Variants in FAT3 observed in about 807,000 individuals in gnomAD.
FAT3 encodes the protein FAT atypical cadherin 3, also known as protocadherin Fat 3.
FAT3 carries 95 observed loss-of-function variants against 310.2 expected under a neutral mutation model. The observed-to-expected ratio is 0.31, with a 90% CI of 0.26 to 0.36. FAT3 has a LOEUF of 0.36. Among genes scored for constraint, FAT3 ranks in the 10% least tolerant of loss-of-function variants. The pLI is 1.00. For missense variants in FAT3, 5,408 were observed against 5,715.6 expected (o/e 0.95, Z 1.74); for synonymous variants, 2,314 against 2,192.9 (o/e 1.06, Z -1.54).
At chr11:92,814,218 T>C (rs1346657492) in intron 13 of FAT3, among the ~76,000 whole-genome samples, 2 of 152,200 alleles carry the variant, frequency 1.3e-5, no homozygotes, top group Non-Finnish European at 1.5e-5. Context: ...CAGCCAGCGA[T>C]TGACTACAAA....
chr11:92,774,212 G>A, intron 7 of FAT3, 32 bp downstream of exon 7: 2 of 1,571,766 alleles, frequency 1.3e-6, no homozygotes, highest in Non-Finnish European at 1.7e-6. Flanking sequence ...TAGCAGGAAT[G>A]CTGAAAGAGC....
At chr11:92,737,316 T>G (rs879550872) in intron 4 of FAT3, among the ~76,000 whole-genome samples, 1 of 152,168 alleles carries the variant, frequency 6.6e-6, no homozygotes, top group East Asian at 1.9e-4. Flanking sequence ...TTCCTTATGA[T>G]CAGGGACTCT....
At chr11:92,654,456 A>G (rs1942502593) in intron 3 of FAT3, among the ~76,000 whole-genome samples, 1 of 152,158 alleles carries the variant, frequency 6.6e-6, no homozygotes, top group Non-Finnish European at 1.5e-5. Context: ...TATTACCAAA[A>G]CCTGCTGCTT....
chr11:92,326,222 T>A (rs11019906), intron 1 of FAT3, among the ~76,000 whole-genome samples: 11,249 of 152,270 alleles, frequency 0.074, 584 homozygotes, highest in African/African-American at 0.14. Context: ...CTCATAGAGT[T>A]GTCGTAAGTG....
At chr11:92,343,360 T>C (rs146319680) in intron 1 of FAT3, among the ~76,000 whole-genome samples, 2,025 of 152,274 alleles carry the variant, frequency 0.013, 30 homozygotes, top group Non-Finnish European at 0.019. Context: ...AAAGGTGATA[T>C]CATATCCCTG....
At chr11:92,463,096 G>A (rs376427532) in intron 2 of FAT3, among the ~76,000 whole-genome samples, 18 of 152,328 alleles carry the variant, frequency 1.2e-4, no homozygotes, top group African/African-American at 4.3e-4. Context: ...GATGTGCTTT[G>A]GAAGCATGCT....
intron 1 of FAT3, among the ~76,000 whole-genome samples, chr11:92,277,880 A>G (rs1946318858): frequency 6.6e-6 from 1 of 151,290 alleles, no homozygotes. Context: ...TAAAAAAAAA[A>G]GGTAAACTTG....
chr11:92,346,986 A>G (rs994714011), intron 1 of FAT3, among the ~76,000 whole-genome samples: 1 of 152,182 alleles, frequency 6.6e-6, no homozygotes, highest in African/African-American at 2.4e-5. Flanking sequence ...GCTAACAATT[A>G]TATACAATGT....
chr11:92,801,330 C>A lies in FAT3; in HGVS notation c.8317C>A (p.Arg2773Ser). ...GTIKLDKRLD[R>S]ETSPAFHFKV... Reference sequence around the variant, plus strand: ...TATTAAGCTTGACAAACGCCTTGACCGTGAAACCAGCCCAGCTTTCCACTT... The same window carrying A: ...TATTAAGCTTGACAAACGCCTTGACAGTGAAACCAGCCCAGCTTTCCACTT... The change falls in exon 10 of 28, where the codon CGT becomes AGT. Residue 2773 changes from arginine (R) to serine (S), a missense_variant. Physicochemically the swap from Arg to Ser is moderately radical, Grantham distance 110. Coordinates refer to ENST00000525166, the MANE Select transcript of FAT3 (RefSeq NM_001367949.2). 2 of 1,613,938 alleles carry A rather than the reference C, an allele frequency of 1.2e-6. No homozygotes were observed. Among genetic ancestry groups the A allele is most frequent in the Non-Finnish European group, 1.7e-6 (2 of 1,179,868 alleles).
Position 92,799,572 on chromosome 11 carries a change from G to A in FAT3, c.6559G>A (p.Asp2187Asn). ...TGTCAACAAAGCAATGCCTGTGTTT[G>A]ATAAGCCCTTTTATACAGCATCTGT... is the stretch of plus-strand genomic sequence containing the variant. ...TIVNKAMPVFDKPFYTASVNE... is the reference protein window; with the variant it reads ...TIVNKAMPVFNKPFYTASVNE... Residue 2187 changes from aspartate to asparagine, a missense_variant, in exon 10 of 28, where the codon GAT (aspartate) becomes AAT (asparagine). Physicochemically the swap from Asp to Asn is conservative, Grantham distance 23 (BLOSUM62 1). Transcript: ENST00000525166. The A allele has an allele frequency of 6.2e-7, 1 of 1,613,716 alleles. No homozygotes were observed. The highest frequency in any genetic ancestry group is 1.1e-5 in the South Asian group (1 of 91,028).
intron 1 of FAT3, among the ~76,000 whole-genome samples, chr11:92,267,599 G>T (rs994129674): frequency 2.0e-5 from 3 of 151,698 alleles, no homozygotes; most frequent in African/African-American, 7.3e-5. Flanking sequence ...GGTGGGAAAT[G>T]ATCCCAAAGA....
At chr11:92,634,577 C>T (rs566293532) in intron 3 of FAT3, among the ~76,000 whole-genome samples, 6 of 152,248 alleles carry the variant, frequency 3.9e-5, no homozygotes, top group South Asian at 2.1e-4. Context: ...AAGAGTAGAG[C>T]GCAGGGCTTC....
At position 92,552,955 on chromosome 11, in the gene FAT3, AAAAAAT is replaced by A. The variant is rs950608468; in HGVS notation, c.3607+28012_3607+28017del. Among the ~76,000 whole-genome samples, 6 of 138,630 alleles carry A rather than the reference AAAAAAT, an allele frequency of 4.3e-5. No individual in the cohort carries two copies. In the East Asian group the frequency reaches 1.4e-3, roughly 32 times the overall value. The allele number at this position is 138,630 out of a possible 152,430, so 90.9% of individuals were successfully genotyped here. On this transcript the variant is annotated intron_variant, in intron 3 of 27. Coordinates refer to ENST00000525166, the MANE Select transcript of FAT3 (RefSeq NM_001367949.2). ...ACAGAGTGAGACACGTTCAAACAAA[AAAAAAT>A]AAAAGAAAAGAAAAAAGAATTGGAA...
chr11:92,228,805 C>T (rs986930737), intron 1 of FAT3, among the ~76,000 whole-genome samples: 1 of 152,154 alleles, frequency 6.6e-6, no homozygotes, highest in Non-Finnish European at 1.5e-5. Context: ...TGGCTTTTTC[C>T]TCTAGGGCAA....
At chr11:92,512,756 A>G (rs1217340593) in intron 2 of FAT3, among the ~76,000 whole-genome samples, 3 of 151,662 alleles carry the variant, frequency 2.0e-5, no homozygotes, top group African/African-American at 7.3e-5. Context: ...GCAGGAACTC[A>G]GTCCAAACCA....
intron 1 of FAT3, among the ~76,000 whole-genome samples, chr11:92,323,560 T>C (rs889707468): frequency 2.0e-5 from 3 of 151,488 alleles, no homozygotes; most frequent in Admixed American, 6.6e-5. Flanking sequence ...GCACAGTTAA[T>C]ACTTTTAAGG....
chr11:92,544,734 G>T (rs1204978716), intron 3 of FAT3, among the ~76,000 whole-genome samples: 4 of 152,200 alleles, frequency 2.6e-5, no homozygotes, highest in Non-Finnish European at 4.4e-5. Flanking sequence ...TGCTTCCAGG[G>T]TTCAGCATTC....
chr11:92,450,840 G>T (rs1238982327), intron 2 of FAT3, among the ~76,000 whole-genome samples: 1 of 152,138 alleles, frequency 6.6e-6, no homozygotes, highest in Non-Finnish European at 1.5e-5. Flanking sequence ...TAGAAACTAG[G>T]CTTTCAGTAT....
At chr11:92,859,772 A>T (rs565136026) in intron 21 of FAT3, among the ~76,000 whole-genome samples, 1 of 152,326 alleles carries the variant, frequency 6.6e-6, no homozygotes, top group South Asian at 2.1e-4. Context: ...ATGTCCTATC[A>T]TGACCCAAGT....
Sources: gnomAD v4.1 joint callset for allele counts (sites outside exome capture counted in the v4.1 genomes callset) on GRCh38, gnomAD v4.1.1 for gene constraint, MANE v1.5 for transcripts, NCBI Gene and HGNC (gene_info 2026-07-23, HGNC 2026-07-21) for gene names.